TBC1D1: variants seen among roughly 807,000 people sequenced by gnomAD.
The protein encoded by TBC1D1 is TBC1 (tre-2/USP6, BUB2, cdc16) domain family, member 1.
Under a neutral mutation model 125.6 loss-of-function variants are expected in TBC1D1, and 89 were observed. The observed-to-expected ratio is 0.71, with a 90% CI of 0.60 to 0.85. The LOEUF is 0.85. Ranked by LOEUF, TBC1D1 falls within the 40% of genes least tolerant of loss-of-function variation. The pLI, the probability that TBC1D1 is intolerant of heterozygous loss-of-function variation, is 0.00. For missense variants in TBC1D1, 1,377 were observed against 1,469.2 expected (o/e 0.94, Z 1.03); for synonymous variants, 565 against 564.1 (o/e 1.00, Z -0.02).
At chr4:37,891,883 G>A (rs186133780) in intron 1 of TBC1D1, among the ~76,000 whole-genome samples, 2 of 151,916 alleles carry the variant, frequency 1.3e-5, no homozygotes, top group Non-Finnish European at 2.9e-5. Flanking sequence ...CTGTGATTAT[G>A]AGACCCCCCT....
intron 15 of TBC1D1, among the ~76,000 whole-genome samples, chr4:38,115,416 T>A (rs1032668754): frequency 6.6e-6 from 1 of 152,224 alleles, no homozygotes; most frequent in Non-Finnish European, 1.5e-5. Context: ...GTTTTCTTTT[T>A]TCGATTGAAG....
chr4:38,109,376 G>A (rs79224091), intron 15 of TBC1D1, among the ~76,000 whole-genome samples: 5,886 of 152,268 alleles, frequency 0.039, 246 homozygotes, highest in African/African-American at 0.1. Flanking sequence ...ATAACTAAAT[G>A]TCGTTGATAA....
At chr4:37,973,290 T>C (rs573448227) in intron 2 of TBC1D1, among the ~76,000 whole-genome samples, 20 of 152,320 alleles carry the variant, frequency 1.3e-4, no homozygotes, top group Admixed American at 1.1e-3. Context: ...GATGTGTATA[T>C]ACTGAGAATT....
chr4:37,939,190 G>T (rs113879915), intron 2 of TBC1D1, among the ~76,000 whole-genome samples: 3,989 of 152,276 alleles, frequency 0.026, 184 homozygotes, highest in African/African-American at 0.091. Flanking sequence ...AGCACCTGTT[G>T]TTTCCTGACT....
Position 37,977,339 on chromosome 4 carries a change from G to T in TBC1D1, c.418-37170G>T. The T allele has an allele frequency of 9.9e-6, 2 of 202,664 alleles. No homozygotes were observed. Among genetic ancestry groups the T allele is most frequent in the Non-Finnish European group, 8.6e-6 (1 of 115,966 alleles). The allele number at this position is 202,664 out of a possible 1,614,324, so 12.6% of individuals were successfully genotyped here. On this transcript the variant is annotated intron_variant, in intron 2 of 19. Coordinates refer to ENST00000261439, the MANE Select transcript of TBC1D1 (RefSeq NM_015173.4). This position sits in a 1 kb window ranked among gnomAD's most constrained non-coding sequence, Gnocchi z 4.3. The stretch of plus-strand genomic sequence containing the variant: ...CGCGGGCGCGACCTCTCGGGGCAGT[G>T]ACGAACTGGGTGGAGCCCGCCGCCG...
intron 2 of TBC1D1, among the ~76,000 whole-genome samples, chr4:37,956,032 CTTT>C (rs61539790): frequency 2.1e-5 from 3 of 144,470 alleles, no homozygotes; most frequent in East Asian, 2.0e-4. Flanking sequence ...TTCAAATAAA[CTTT>C]TTTTTTTTTT....
intron 1 of TBC1D1, among the ~76,000 whole-genome samples, chr4:37,900,326 G>A (rs957512427): frequency 1.3e-5 from 2 of 151,934 alleles, no homozygotes; most frequent in Middle Eastern, 3.4e-3. Flanking sequence ...AGGAAGTGGA[G>A]ACAGTAAGTG....
At chr4:38,075,561 C>T (rs1473874448) in intron 12 of TBC1D1, among the ~76,000 whole-genome samples, 1 of 152,166 alleles carries the variant, frequency 6.6e-6, no homozygotes, top group Non-Finnish European at 1.5e-5. Flanking sequence ...TTGAGGACTT[C>T]CCCATCCCCT....
intron 2 of TBC1D1, among the ~76,000 whole-genome samples, chr4:37,916,429 A>G (rs1029342348): frequency 2.6e-5 from 4 of 152,084 alleles, no homozygotes; most frequent in African/African-American, 2.4e-5. Context: ...GCAATTTCGT[A>G]GTTGTCCCCT....
rs751750868 is a variant in TBC1D1 at position 38,089,959 on chromosome 4, C to T, written c.2078C>T (p.Pro693Leu). The T allele has an allele frequency of 2.5e-6, 4 of 1,597,080 alleles. No individual in the cohort carries two copies. Among genetic ancestry groups the T allele is most frequent in the Non-Finnish European group, 3.4e-6 (4 of 1,173,440 alleles). Residue 693 changes from proline to leucine, a missense_variant, in exon 13 of 20, where the codon CCA becomes CTA. Coordinates refer to ENST00000261439, the MANE Select transcript of TBC1D1 (RefSeq NM_015173.4). Reference sequence around the variant, plus strand: ...TATTCAGAGCTGGGAGAGCTTCCCCCACGATCTCCTTTAGAACCAGTTTGT... The same window carrying T: ...TATTCAGAGCTGGGAGAGCTTCCCCTACGATCTCCTTTAGAACCAGTTTGT...
intron 3 of TBC1D1, among the ~76,000 whole-genome samples, chr4:38,016,642 T>C (rs1433115062): frequency 6.6e-6 from 1 of 152,248 alleles, no homozygotes; most frequent in African/African-American, 2.4e-5. Context: ...TGGATTTTCA[T>C]TTCTCTGTTC....
intron 2 of TBC1D1, among the ~76,000 whole-genome samples, chr4:37,914,662 C>G (rs956042307): frequency 1.3e-5 from 2 of 152,340 alleles, no homozygotes; most frequent in East Asian, 1.9e-4. Context: ...AGTGGCTTCC[C>G]CAGTACTTAG....
At chr4:38,065,777 C>T (rs1020534200) in intron 12 of TBC1D1, among the ~76,000 whole-genome samples, 1 of 151,786 alleles carries the variant, frequency 6.6e-6, no homozygotes, top group Non-Finnish European at 1.5e-5. Context: ...TCCTTAGTAG[C>T]TGGGATTACA....
At chr4:37,951,220 A>C (rs1727799735) in intron 2 of TBC1D1, among the ~76,000 whole-genome samples, 1 of 152,208 alleles carries the variant, frequency 6.6e-6, no homozygotes, top group Non-Finnish European at 1.5e-5. Context: ...TTTACTGTAT[A>C]CTGAAATATT....
At chr4:37,938,989 T>A (rs372099186) in intron 2 of TBC1D1, among the ~76,000 whole-genome samples, 1 of 152,232 alleles carries the variant, frequency 6.6e-6, no homozygotes, top group Non-Finnish European at 1.5e-5. Context: ...TAAACATACG[T>A]GTGCATGTGT....
chr4:37,979,505 G>C (rs1300191396), intron 2 of TBC1D1, among the ~76,000 whole-genome samples: 2 of 152,122 alleles, frequency 1.3e-5, no homozygotes, highest in African/African-American at 4.8e-5. Context: ...TTACAAACTA[G>C]GTAATATCCT....
At chr4:37,962,015 T>C (rs1373632868) in intron 2 of TBC1D1, among the ~76,000 whole-genome samples, 1 of 152,240 alleles carries the variant, frequency 6.6e-6, no homozygotes, top group Non-Finnish European at 1.5e-5. Flanking sequence ...AGACAAATCA[T>C]AAAATATTTG....
intron 2 of TBC1D1, among the ~76,000 whole-genome samples, chr4:37,935,674 G>A (rs1724237878): frequency 6.6e-6 from 1 of 152,096 alleles, no homozygotes; most frequent in East Asian, 1.9e-4. Flanking sequence ...TTGCAGATCT[G>A]ACAGTACACC....
intron 2 of TBC1D1, among the ~76,000 whole-genome samples, chr4:37,992,035 G>A (rs1214673523): frequency 6.6e-6 from 1 of 152,224 alleles, no homozygotes; most frequent in Non-Finnish European, 1.5e-5. Flanking sequence ...AATAAGGCAG[G>A]AAGAGTTGAG....
Sources: allele counts gnomAD v4.1 joint callset (sites outside exome capture counted in the v4.1 genomes callset), GRCh38; gene constraint gnomAD v4.1.1; non-coding constraint Gnocchi (gnomAD v3.1); transcripts MANE v1.5; gene names NCBI Gene and HGNC (gene_info 2026-07-23, HGNC 2026-07-21).